CALN1: variants seen among roughly 807,000 people sequenced by gnomAD.
CALN1 encodes the protein calneuron 1.
A neutral mutation model predicts 30.6 loss-of-function variants in CALN1; 17 were observed. The ratio of observed to expected loss-of-function variants is 0.56; its 90% CI spans 0.38 to 0.83. CALN1 has a LOEUF of 0.83. Ranked by LOEUF, CALN1 falls within the 40% of genes least tolerant of loss-of-function variation. CALN1 has a pLI of 0.00. For missense variants in CALN1, 291 were observed against 354.9 expected (o/e 0.82, Z 1.45); for synonymous variants, 156 against 131.4 (o/e 1.19, Z -1.28).
At chr7:72,339,946 C>G (rs150957610) in intron 2 of CALN1, among the ~76,000 whole-genome samples, 3 of 152,294 alleles carry the variant, frequency 2.0e-5, no homozygotes, top group African/African-American at 7.2e-5. Context: ...CACAGTCAAA[C>G]CATTCCCTAT....
At chr7:72,161,738 G>A (rs559896612) in intron 3 of CALN1, among the ~76,000 whole-genome samples, 2 of 152,010 alleles carry the variant, frequency 1.3e-5, no homozygotes, top group Admixed American at 6.6e-5. Context: ...GACACAGGGA[G>A]GGGAGCAACA....
chr7:71,875,753 T>C lies in CALN1; in HGVS notation c.502-65261A>G, dbSNP rs182997925. Reference sequence around the variant, plus strand: ...GTAAGGGGGCCCAGCTAGGTTCTTATACTACACACTAGACAGACTCAAATT... The same window carrying C: ...GTAAGGGGGCCCAGCTAGGTTCTTACACTACACACTAGACAGACTCAAATT... On this transcript the variant is annotated intron_variant, in intron 5 of 6. Transcript: ENST00000395275. Among the ~76,000 whole-genome samples, 275 of 147,082 alleles carry C rather than the reference T, an allele frequency of 1.9e-3. 1 individual carries two copies. Among genetic ancestry groups the C allele is most frequent in the African/African-American group, 7.1e-3 (263 of 36,828 alleles).
intron 6 of CALN1, among the ~76,000 whole-genome samples, chr7:71,790,115 A>G (rs1318530499): frequency 7.4e-6 from 1 of 135,348 alleles, no homozygotes; most frequent in Non-Finnish European, 1.6e-5. Context: ...GGAGAGAGAG[A>G]GAGAGAGAAG....
At chr7:71,891,289 A>G (rs1319537959) in intron 5 of CALN1, among the ~76,000 whole-genome samples, 1 of 152,232 alleles carries the variant, frequency 6.6e-6, no homozygotes, top group Non-Finnish European at 1.5e-5. Flanking sequence ...CTATTAGTTC[A>G]AGTCACCATG....
chr7:72,499,525 T>C, the CALN1 span, among the ~76,000 whole-genome samples: 12 of 152,136 alleles, frequency 7.9e-5, no homozygotes, highest in African/African-American at 2.7e-4. Context: ...AATGTTTTAA[T>C]ATAAACATTC....
chr7:72,025,026 C>G (rs899358992), intron 4 of CALN1, among the ~76,000 whole-genome samples: 4 of 152,042 alleles, frequency 2.6e-5, no homozygotes, highest in African/African-American at 9.7e-5. Flanking sequence ...AACCATGTAT[C>G]CTGGCCAGGT....
chr7:72,113,128 G>C (rs1029038576), intron 3 of CALN1, among the ~76,000 whole-genome samples: 14 of 152,270 alleles, frequency 9.2e-5, no homozygotes, highest in Admixed American at 6.5e-4. Flanking sequence ...GTTGAAATTT[G>C]ATCTCCAGTG....
In CALN1 at chr7:71,856,211, T is replaced by TTATAAA. The variant is rs1182837934; in HGVS notation, c.502-45725_502-45720dup. Among the ~76,000 whole-genome samples, 8 of 151,028 alleles carry TTATAAA rather than the reference T, an allele frequency of 5.3e-5. No homozygotes were observed. The South Asian group carries it at 1.7e-3, about 31-fold the overall frequency. ...TACATATGTAAATATACATATATAT[T>TTATAAA]TATAAATATACATATACATATATTT... On this transcript the variant is annotated intron_variant, in intron 5 of 6. Transcript: ENST00000395275.
chr7:71,829,969 T>C (rs1034083938), intron 5 of CALN1, among the ~76,000 whole-genome samples: 9 of 152,002 alleles, frequency 5.9e-5, no homozygotes, highest in African/African-American at 2.2e-4. Flanking sequence ...GAAGAAGCCA[T>C]TGTCTGTCTG....
intron 6 of CALN1, among the ~76,000 whole-genome samples, chr7:71,805,199 T>C (rs1464444904): frequency 6.6e-6 from 1 of 152,152 alleles, no homozygotes; most frequent in Non-Finnish European, 1.5e-5. Flanking sequence ...TAGTTTCTGG[T>C]GAAGAGGCAG....
intron 5 of CALN1, among the ~76,000 whole-genome samples, chr7:71,814,909 C>G (rs898789181): frequency 6.6e-6 from 1 of 151,424 alleles, no homozygotes; most frequent in Non-Finnish European, 1.5e-5. Flanking sequence ...TCTTGGCTCA[C>G]TGTAATCTCC....
chr7:72,041,130 T>C lies in CALN1; in HGVS notation c.389-17361A>G, dbSNP rs117953179. ...GCCCTTTTGATATCCTGTTGCACTC[T>C]ACATAAGAGGCAGGAGACAAAGGAC... On this transcript the variant is annotated intron_variant, in intron 4 of 6. Transcript: ENST00000395275. Among the ~76,000 whole-genome samples, 4 of 152,248 alleles carry C rather than the reference T, an allele frequency of 2.6e-5. No individual in the cohort carries two copies. In the East Asian group the frequency reaches 7.7e-4, roughly 29 times the overall value.
chr7:72,194,440 G>A (rs1790840681), intron 3 of CALN1, among the ~76,000 whole-genome samples: 3 of 152,090 alleles, frequency 2.0e-5, no homozygotes, highest in Admixed American at 2.0e-4. Context: ...TGAGGCAGGA[G>A]AATCACTTTA....
chr7:72,456,948 A>C, the CALN1 span, among the ~76,000 whole-genome samples: 1 of 151,934 alleles, frequency 6.6e-6, no homozygotes, highest in Admixed American at 6.6e-5. Flanking sequence ...AAACTTGAAC[A>C]AGGGTATACA....
chr7:72,011,990 T>C (rs903857217), intron 5 of CALN1, among the ~76,000 whole-genome samples: 4 of 152,160 alleles, frequency 2.6e-5, no homozygotes, highest in African/African-American at 9.7e-5. Context: ...ACAGTTCACA[T>C]CATACCCTAT....
chr7:72,005,657 T>C (rs1799733294), intron 5 of CALN1, among the ~76,000 whole-genome samples: 1 of 152,130 alleles, frequency 6.6e-6, no homozygotes, highest in Non-Finnish European at 1.5e-5. Context: ...ATACAACAAT[T>C]TGAATGAATC....
At chr7:71,831,894 AAAAC>A (rs1789307036) in intron 5 of CALN1, among the ~76,000 whole-genome samples, 2 of 150,136 alleles carry the variant, frequency 1.3e-5, no homozygotes, top group Admixed American at 6.7e-5. Context: ...AAAAAAAAAA[AAAAC>A]AAACCAAAAA....
chr7:72,310,960 C>A (rs952364844), intron 2 of CALN1, among the ~76,000 whole-genome samples: 3 of 148,666 alleles, frequency 2.0e-5, no homozygotes, highest in East Asian at 3.9e-4. Context: ...TATATATATA[C>A]GGTGGATCCT....
intron 6 of CALN1, among the ~76,000 whole-genome samples, chr7:71,809,968 G>C: frequency 6.6e-6 from 1 of 152,108 alleles, no homozygotes; most frequent in Admixed American, 6.5e-5. Context: ...GTCACACAAC[G>C]GACTCGACCC....
Sources: gnomAD v4.1 joint callset for allele counts (sites outside exome capture counted in the v4.1 genomes callset) on GRCh38, gnomAD v4.1.1 for gene constraint, MANE v1.5 for transcripts, NCBI Gene and HGNC (gene_info 2026-07-23, HGNC 2026-07-21) for gene names.